TF: variants seen among roughly 807,000 people sequenced by gnomAD.
TF encodes the protein transferrin.
TF carries 55 observed loss-of-function variants against 82.4 expected under a neutral mutation model. The ratio of observed to expected loss-of-function variants is 0.67; its 90% CI spans 0.54 to 0.84. The LOEUF is 0.84. Among genes scored for constraint, TF ranks in the 40% least tolerant of loss-of-function variants. The probability of loss-of-function intolerance (pLI) is 0.00; values close to 1 mark genes in which losing one functional copy is unlikely to be tolerated. For synonymous variants in TF, 332 were observed against 332.6 expected (o/e 1.00, Z 0.02); for missense variants, 737 against 868.4 (o/e 0.85, Z 1.90).
At chr3:133,679,632 T>C in the TF span, among the ~76,000 whole-genome samples, 2 of 150,672 alleles carry the variant, frequency 1.3e-5, no homozygotes, top group Admixed American at 1.3e-4. Context: ...CATGTTCTTG[T>C]GTGTAGCATG....
intron 3 of TF, chr3:133,753,917 C>A: frequency 1.6e-6 from 1 of 636,058 alleles, no homozygotes; most frequent in Non-Finnish European, 2.8e-6. Context: ...TAAAACTGAG[C>A]CCTGGGCCAG....
At chr3:133,746,575 C>T (rs1002622206) in intron 1 of TF, 92 bp downstream of exon 1, 2 of 1,419,450 alleles carry the variant, frequency 1.4e-6, no homozygotes, top group Admixed American at 2.0e-5. Flanking sequence ...ATGCACTCCG[C>T]GCTCAGGCTG....
At position 133,782,116 on chromosome 3, in the gene TF, T is replaced by C. The variant is rs1934527243; in HGVS notation, c.*3496T>C. 6.6e-6 allele frequency: 1 copy of C among 152,170 alleles called. No homozygotes were observed. The highest frequency in any genetic ancestry group is 1.5e-5 in the Non-Finnish European group (1 of 68,032). The allele number at this position is 152,170 out of a possible 1,614,324, so 9.4% of individuals were successfully genotyped here. On this transcript the variant is annotated 3_prime_UTR_variant, in exon 17 of 17. Transcript: ENST00000402696. The stretch of plus-strand genomic sequence containing the variant: ...TATGAGACACTAGATAATAATAGGA[T>C]GACTATTATCAAAAAGTCAAAAGAT...
At chr3:133,756,475 C>A in intron 6 of TF, 138 bp downstream of exon 6, 4 of 1,023,860 alleles carry the variant, frequency 3.9e-6, no homozygotes, top group Non-Finnish European at 3.0e-6. Flanking sequence ...TCCACCTGTG[C>A]AGAGTTAGGT....
chr3:133,708,528 C>T, the TF span, among the ~76,000 whole-genome samples: 1 of 151,928 alleles, frequency 6.6e-6, no homozygotes, highest in Non-Finnish European at 1.5e-5. Context: ...TCCCTCTCCC[C>T]AGGGAGAGTG....
chr3:133,699,716 G>A, the TF span: 2 of 416,470 alleles, frequency 4.8e-6, no homozygotes, highest in South Asian at 3.6e-5. Context: ...CATTCTGGAA[G>A]TCCTGGTATG....
the TF span, among the ~76,000 whole-genome samples, chr3:133,673,207 A>C: frequency 6.6e-6 from 1 of 152,242 alleles, no homozygotes; most frequent in Non-Finnish European, 1.5e-5. Flanking sequence ...TGTGAGTTCT[A>C]GCCAGTGCAG....
Position 133,751,795 on chromosome 3 carries a change from C to T in TF, c.217-1800C>T, listed in dbSNP as rs534487084. 2.0e-5 allele frequency among the ~76,000 whole-genome samples: 3 copies of T among 152,050 alleles called. No individual in the cohort carries two copies. The South Asian group carries it at 6.2e-4, about 32-fold the overall frequency. ...TCACCTGAGGTCAGGAGTTTGAGAC[C>T]AGCCTGGCCAACATGGTGAAACCCC... On this transcript the variant is annotated intron_variant, in intron 2 of 16. Transcript: ENST00000402696.
At chr3:133,681,747 C>T in the TF span, among the ~76,000 whole-genome samples, 3 of 152,228 alleles carry the variant, frequency 2.0e-5, no homozygotes, top group African/African-American at 4.8e-5. Flanking sequence ...GGAGGCCTGC[C>T]TGCCTCTGTA....
the TF span, among the ~76,000 whole-genome samples, chr3:133,677,445 T>C: frequency 4.6e-5 from 7 of 152,254 alleles, 1 homozygote; most frequent in African/African-American, 1.7e-4. Flanking sequence ...AAGACCAGCC[T>C]GGCCAAGATG....
chr3:133,694,427 G>A, the TF span: 3,229 of 152,960 alleles, frequency 0.021, 38 homozygotes, highest in East Asian at 0.034. Context: ...CACAGAGAGC[G>A]AACAGGGCCC....
At chr3:133,665,609 C>A in the TF span, among the ~76,000 whole-genome samples, 1 of 151,838 alleles carries the variant, frequency 6.6e-6, no homozygotes, top group Non-Finnish European at 1.5e-5. Flanking sequence ...CTCTCCAGAC[C>A]CTGCTTGGGG....
rs1185125948 is a variant in TF at position 133,782,298 on chromosome 3, A to C, written c.*3678A>C. The C allele has an allele frequency of 6.6e-6, 1 of 152,218 alleles. No homozygotes were observed. Among genetic ancestry groups the C allele is most frequent in the Non-Finnish European group, 1.5e-5 (1 of 68,042 alleles). The allele number at this position is 152,218 out of a possible 1,614,324, so 9.4% of individuals were successfully genotyped here. ...AACAATCCCTCTTTAGGGGATATAC[A>C]CAAATAAAATGAGATAGCCACCTTG... On this transcript the variant is annotated 3_prime_UTR_variant, in exon 17 of 17. Coordinates refer to ENST00000402696, the MANE Select transcript of TF (RefSeq NM_001063.4).
chr3:133,775,443 T>C lies in TF; in HGVS notation c.1698T>C (p.Pro566=). 6.2e-7 allele frequency: 1 copy of C among 1,614,214 alleles called. No individual in the cohort carries two copies. ...TCTTCCTGTCCCTAGGAAAAAACCC[T>C]GATCCATGGGCTAAGAATCTGAATG... ...TVPQNTGGKN[P]DPWAKNLNEK... is the part of the protein sequence containing the mutation. Residue 566 remains proline, a synonymous_variant, in exon 15 of 17, where the codon CCT becomes CCC. Coordinates refer to ENST00000402696, the MANE Select transcript of TF (RefSeq NM_001063.4).
At chr3:133,693,264 C>G in the TF span, among the ~76,000 whole-genome samples, 2 of 152,294 alleles carry the variant, frequency 1.3e-5, no homozygotes, top group Non-Finnish European at 2.9e-5. Flanking sequence ...GGATTCTAGA[C>G]ACACTATTGG....
chr3:133,693,162 C>T, the TF span, among the ~76,000 whole-genome samples: 2 of 152,238 alleles, frequency 1.3e-5, no homozygotes, highest in Non-Finnish European at 2.9e-5. Context: ...CACCTTCCTC[C>T]TTATCCCTAG....
At chr3:133,699,481 A>AGCT in the TF span, 3 of 1,230,906 alleles carry the variant, frequency 2.4e-6, no homozygotes, top group Non-Finnish European at 3.3e-6. Flanking sequence ...GACCAGTATG[A>AGCT]GCTGCTTTGC....
At chr3:133,754,766 G>A in intron 4 of TF, 95 bp downstream of exon 4, 3 of 1,362,460 alleles carry the variant, frequency 2.2e-6, no homozygotes, top group Non-Finnish European at 3.1e-6. Context: ...GCAGACATGT[G>A]GGATGAACTC....
chr3:133,744,647 A>G (rs550907166), upstream of TF, among the ~76,000 whole-genome samples: 9 of 152,332 alleles, frequency 5.9e-5, no homozygotes, highest in South Asian at 2.1e-4. Context: ...ACAGGGCAGC[A>G]GTGGTCACTC....
Sources: allele counts gnomAD v4.1 joint callset (sites outside exome capture counted in the v4.1 genomes callset), GRCh38; gene constraint gnomAD v4.1.1; transcripts MANE v1.5; gene names NCBI Gene and HGNC (gene_info 2026-07-23, HGNC 2026-07-21).